SDCCAG8: variants seen among roughly 807,000 people sequenced by gnomAD.
The protein encoded by SDCCAG8 is SHH signaling and ciliogenesis regulator SDCCAG8.
SDCCAG8 carries 74 observed loss-of-function variants against 101.8 expected under a neutral mutation model. The ratio of observed to expected loss-of-function variants is 0.73; its 90% CI spans 0.60 to 0.88. The LOEUF is 0.88. Among genes scored for constraint, SDCCAG8 ranks in the 40% least tolerant of loss-of-function variants. The probability of loss-of-function intolerance (pLI) is 0.00; values close to 1 mark genes in which losing one functional copy is unlikely to be tolerated. For synonymous variants in SDCCAG8, 281 were observed against 292.9 expected, an observed-to-expected ratio of 0.96 and a Z score of 0.41; for missense variants, 787 against 822.6, an observed-to-expected ratio of 0.96 and a Z score of 0.53.
In SDCCAG8 at chr1:243,294,478, G is replaced by GA. The variant is rs1558247934; in HGVS notation, c.675+1259_675+1260insA. 6.0e-4 allele frequency among the ~76,000 whole-genome samples: 19 copies of GA among 31,642 alleles called. 1 individual carries two copies. Among genetic ancestry groups the GA allele is most frequent in the African/African-American group, 1.2e-3 (19 of 16,520 alleles). The allele number at this position is 31,642 out of a possible 152,430, so 20.8% of individuals were successfully genotyped here. ...CCTCCACTCCCCCCAAAAGGTGGGG[G>GA]GGGGGAGAGAGAGAGAGAGAGAAAG... On this transcript the variant is annotated intron_variant, in intron 6 of 17. Transcript: ENST00000366541.
rs922791738 is a variant in SDCCAG8 at position 243,256,188 on chromosome 1, G to T, written c.15G>T (p.Pro5=). 1 of 1,614,182 alleles carries T rather than the reference G, an allele frequency of 6.2e-7. No homozygotes were observed. MAKS[P]ENSTLEEILG... is the part of the protein sequence containing the mutation. Reference sequence around the variant, plus strand: ...AGAGTGCGTGCATGGCGAAGTCCCCGGAGAACTCTACCCTGGAGGAGATTC... The same window carrying T: ...AGAGTGCGTGCATGGCGAAGTCCCCTGAGAACTCTACCCTGGAGGAGATTC... The change falls in exon 1 of 18, where the codon CCG becomes CCT. Residue 5 remains proline (P), a synonymous_variant. Transcript: ENST00000366541.
At chr1:243,386,309 G>C (rs1206675604) in intron 13 of SDCCAG8, among the ~76,000 whole-genome samples, 1 of 152,208 alleles carries the variant, frequency 6.6e-6, no homozygotes, top group Non-Finnish European at 1.5e-5. Flanking sequence ...CCATTAAGCT[G>C]TAATTCTATG....
At chr1:243,459,982 T>G (rs1421231481) in intron 16 of SDCCAG8, among the ~76,000 whole-genome samples, 1 of 152,188 alleles carries the variant, frequency 6.6e-6, no homozygotes, top group Non-Finnish European at 1.5e-5. Flanking sequence ...TTAGGAAAAT[T>G]TGTACTACCA....
chr1:243,435,565 A>G (rs1157698552), intron 16 of SDCCAG8, among the ~76,000 whole-genome samples: 1 of 152,184 alleles, frequency 6.6e-6, no homozygotes, highest in African/African-American at 2.4e-5. Context: ...TATTTATATT[A>G]TAGGTTAAAT....
intron 17 of SDCCAG8, among the ~76,000 whole-genome samples, chr1:243,499,326 C>T (rs746170984): frequency 6.6e-5 from 10 of 152,072 alleles, no homozygotes; most frequent in African/African-American, 2.4e-4. Context: ...TATTGTTTCA[C>T]GAGGAATTTC....
intron 16 of SDCCAG8, among the ~76,000 whole-genome samples, chr1:243,448,787 T>C (rs1664517762): frequency 6.6e-6 from 1 of 152,252 alleles, no homozygotes; most frequent in African/African-American, 2.4e-5. Flanking sequence ...GTCATCTTTG[T>C]ATCTCTTGCC....
intron 10 of SDCCAG8, 138 bp downstream of exon 10, chr1:243,330,830 A>G: frequency 1.3e-6 from 1 of 773,474 alleles, no homozygotes; most frequent in South Asian, 1.8e-5. Flanking sequence ...AATTTCGTAT[A>G]ATTTAGAATT....
rs1558382581 is a variant in SDCCAG8, at chr1:243,378,766, T to G, written c.1519T>G (p.Leu507Val). 6.2e-7 allele frequency: 1 copy of G among 1,614,012 alleles called. No homozygotes were observed. The highest frequency in any genetic ancestry group is 1.7e-5 in the Admixed American group (1 of 59,968). Residue 507 changes from leucine to valine, a missense_variant, in exon 13 of 18, where the codon TTG becomes GTG. Coordinates refer to ENST00000366541, the MANE Select transcript of SDCCAG8 (RefSeq NM_006642.5). ...RIELDESKQH[L>V]EQEQQKAALA... ...AGAACTGGATGAAAGCAAACAACACTTGGAACAGGAGCAGCAGAAGGCAGC... is the reference window on the plus strand; with the variant it reads ...AGAACTGGATGAAAGCAAACAACACGTGGAACAGGAGCAGCAGAAGGCAGC...
chr1:243,267,944 T>C (rs1471224874), intron 1 of SDCCAG8: 1 of 794,630 alleles, frequency 1.3e-6, no homozygotes, highest in Non-Finnish European at 2.3e-6. Context: ...CTGTGTATTA[T>C]ATTGGCAAAA....
At chr1:243,360,147 T>C (rs2076614622) in intron 12 of SDCCAG8, among the ~76,000 whole-genome samples, 4 of 128,076 alleles carry the variant, frequency 3.1e-5, no homozygotes, top group Admixed American at 2.9e-4. Context: ...ACAGTCTCTT[T>C]TTTTTTTTTT....
intron 13 of SDCCAG8, among the ~76,000 whole-genome samples, chr1:243,408,157 A>G (rs750987804): frequency 3.3e-5 from 5 of 152,216 alleles, no homozygotes; most frequent in Non-Finnish European, 5.9e-5. Flanking sequence ...GAGGATACTT[A>G]GTACTTTCCG....
At position 243,313,633 on chromosome 1, in the gene SDCCAG8, A is replaced by C. The variant is rs372105302; in HGVS notation, c.930-3122A>C. 5.3e-5 allele frequency among the ~76,000 whole-genome samples: 8 copies of C among 152,346 alleles called. No homozygotes were observed. In the East Asian group the frequency reaches 1.5e-3, roughly 29 times the overall value. ...GCTCCTTGATTACATTCATCAACAC[A>C]TTCACATGGTGTTTCCAAGCACTCA... On this transcript the variant is annotated intron_variant, in intron 8 of 17. Transcript: ENST00000366541.
intron 12 of SDCCAG8, among the ~76,000 whole-genome samples, chr1:243,373,895 A>G (rs553224889): frequency 3.0e-4 from 46 of 152,274 alleles, no homozygotes; most frequent in African/African-American, 1.0e-3. Context: ...AGGATAGCCA[A>G]GTATTATCCT....
chr1:243,315,117 A>G (rs892982313), intron 8 of SDCCAG8, among the ~76,000 whole-genome samples: 1 of 152,228 alleles, frequency 6.6e-6, no homozygotes, highest in African/African-American at 2.4e-5. Flanking sequence ...ATTAAGTCTT[A>G]GTGATTTAAG....
intron 14 of SDCCAG8, among the ~76,000 whole-genome samples, chr1:243,417,715 A>G (rs1199412914): frequency 6.6e-6 from 1 of 152,198 alleles, no homozygotes; most frequent in Non-Finnish European, 1.5e-5. Context: ...CACTTTATTA[A>G]CATGTTAAAA....
intron 17 of SDCCAG8, 38 bp downstream of exon 17, chr1:243,489,178 G>A: frequency 6.2e-7 from 1 of 1,606,832 alleles, no homozygotes; most frequent in Non-Finnish European, 8.5e-7. Flanking sequence ...GAGTCCTTGG[G>A]CGGGCGTCTA....
At position 243,426,479 on chromosome 1, in the gene SDCCAG8, G is replaced by C. The variant is rs1573975605; in HGVS notation, c.1906G>C (p.Gly636Arg). 9 of 1,613,862 alleles carry C rather than the reference G, an allele frequency of 5.6e-6. No individual in the cohort carries two copies. In the East Asian group the frequency reaches 2.0e-4, roughly 36 times the overall value. ...QEKRYTYDKL[G>R]KLQRRNEELE... ...AAAAAGGTATACATATGATAAATTG[G>C]GAAAGTTACAGAGAAGAAATGAAGA... The change falls in exon 16 of 18, where the codon GGA (glycine) becomes CGA (arginine). Residue 636 changes from glycine to arginine, a missense_variant. Transcript: ENST00000366541.
chr1:243,375,183 A>G (rs751689368), intron 12 of SDCCAG8, among the ~76,000 whole-genome samples: 9 of 152,074 alleles, frequency 5.9e-5, no homozygotes, highest in Non-Finnish European at 8.8e-5. Context: ...TTCACGTAAG[A>G]AAGGTCTAAT....
intron 13 of SDCCAG8, among the ~76,000 whole-genome samples, chr1:243,413,589 C>A (rs1295723683): frequency 6.6e-6 from 1 of 152,156 alleles, no homozygotes; most frequent in Non-Finnish European, 1.5e-5. Context: ...CATTGGGGAA[C>A]TGTAAGTACC....
Sources: gnomAD v4.1 joint callset for allele counts (sites outside exome capture counted in the v4.1 genomes callset) on GRCh38, gnomAD v4.1.1 for gene constraint, MANE v1.5 for transcripts, NCBI Gene and HGNC (gene_info 2026-07-23, HGNC 2026-07-21) for gene names.